The following RAD51B variants were observed in gnomAD, a reference collection of about 807,000 sequenced individuals.
The protein encoded by RAD51B is DNA repair protein RAD51 homolog 2.
Under a neutral mutation model 42.2 loss-of-function variants are expected in RAD51B, and 38 were observed. The ratio of observed to expected loss-of-function variants is 0.90; its 90% CI spans 0.70 to 1.18. The LOEUF (loss-of-function observed/expected upper bound fraction) is 1.18. RAD51B is among the 50% of genes most tolerant of loss of function. The pLI is 0.00. For missense variants in RAD51B, 373 were observed against 400.7 expected (o/e 0.93, Z 0.59); for synonymous variants, 154 against 145.2 (o/e 1.06, Z -0.43).
intron 10 of RAD51B, among the ~76,000 whole-genome samples, chr14:68,550,667 A>G (rs1888497636): frequency 6.6e-6 from 1 of 152,220 alleles, no homozygotes; most frequent in Non-Finnish European, 1.5e-5. Flanking sequence ...GGTATTTGCT[A>G]AGCACATCCT....
At chr14:68,381,641 A>C (rs1332091669) in intron 8 of RAD51B, among the ~76,000 whole-genome samples, 1 of 152,172 alleles carries the variant, frequency 6.6e-6, no homozygotes, top group Non-Finnish European at 1.5e-5. Context: ...GCGCCACTGC[A>C]CTCCAGCCTG....
At chr14:68,100,526 G>T (rs2077271074) in intron 7 of RAD51B, among the ~76,000 whole-genome samples, 1 of 152,044 alleles carries the variant, frequency 6.6e-6, no homozygotes, top group Non-Finnish European at 1.5e-5. Flanking sequence ...TTTCATTACG[G>T]CCTGGTCTAG....
chr14:68,205,613 T>C (rs911599101), intron 7 of RAD51B, among the ~76,000 whole-genome samples: 2 of 151,916 alleles, frequency 1.3e-5, no homozygotes, highest in Non-Finnish European at 2.9e-5. Flanking sequence ...TTTCTTTTCT[T>C]TTCTTTTTTT....
chr14:68,302,153 A>G (rs1366774935), intron 8 of RAD51B, among the ~76,000 whole-genome samples: 1 of 152,184 alleles, frequency 6.6e-6, no homozygotes, highest in East Asian at 1.9e-4. Context: ...GATACACTAT[A>G]ATGATATTTA....
intron 7 of RAD51B, among the ~76,000 whole-genome samples, chr14:67,890,114 T>C (rs2043174062): frequency 6.6e-6 from 1 of 152,196 alleles, no homozygotes; most frequent in South Asian, 2.1e-4. Context: ...ATAAAATAAA[T>C]TGTGGTTATG....
At chr14:68,597,515 A>G (rs796607396), downstream of RAD51B, among the ~76,000 whole-genome samples, 6 of 152,360 alleles carry the variant, frequency 3.9e-5, 1 homozygote, top group African/African-American at 1.4e-4. Context: ...GCTGGAGGCC[A>G]TTATCCTTAA....
At chr14:68,673,412 T>C (rs4902629) in intron 11 of RAD51B, among the ~76,000 whole-genome samples, 9 of 50,462 alleles carry the variant, frequency 1.8e-4, no homozygotes, top group African/African-American at 1.4e-3. Context: ...TACACACACA[T>C]ACTGTATGCA....
chr14:67,890,609 C>A, intron 7 of RAD51B, among the ~76,000 whole-genome samples: 1 of 112,954 alleles, frequency 8.9e-6, no homozygotes, highest in African/African-American at 3.3e-5. Context: ...TATCCCTCCC[C>A]CCTCCCCCCA....
At chr14:68,156,950 C>T (rs1290173110) in intron 7 of RAD51B, among the ~76,000 whole-genome samples, 1 of 152,120 alleles carries the variant, frequency 6.6e-6, no homozygotes, top group Non-Finnish European at 1.5e-5. Context: ...ATAATCCTAG[C>T]ATTTTGGGAG....
Position 68,502,372 on chromosome 14 carries a change from G to A in RAD51B, c.1036+34122G>A, listed in dbSNP as rs1293594299. Among the ~76,000 whole-genome samples the A allele has an allele frequency of 2.6e-5, 4 of 152,268 alleles. No homozygotes were observed. In the South Asian group the frequency reaches 6.2e-4, roughly 24 times the overall value. On this transcript the variant is annotated intron_variant, in intron 10 of 10. Transcript: ENST00000487270. ...AGCCTGCTGCAGAAGGGAGGGGGGC[G>A]CACAGCTGCAGTTCCGACTCCCCCC...
chr14:68,201,975 G>A (rs1269315565), intron 7 of RAD51B, among the ~76,000 whole-genome samples: 1 of 152,130 alleles, frequency 6.6e-6, no homozygotes. Flanking sequence ...ATTGGTTCCA[G>A]ACCACCACAA....
At chr14:67,857,255 G>A (rs2042025855) in intron 4 of RAD51B, among the ~76,000 whole-genome samples, 1 of 152,126 alleles carries the variant, frequency 6.6e-6, no homozygotes. Context: ...AGCAGGATCT[G>A]AGATTGTTAA....
chr14:68,214,968 A>C (rs2079784007), intron 7 of RAD51B, among the ~76,000 whole-genome samples: 1 of 152,216 alleles, frequency 6.6e-6, no homozygotes, highest in East Asian at 1.9e-4. Context: ...TGGAAAAAAG[A>C]ACTTGATATT....
At chr14:67,949,043 G>A (rs1394745587) in intron 7 of RAD51B, among the ~76,000 whole-genome samples, 2 of 148,296 alleles carry the variant, frequency 1.3e-5, no homozygotes, top group East Asian at 3.9e-4. Context: ...TAAGCTTTTT[G>A]CTGGTGGAGG....
At chr14:68,379,686 A>T (rs1306344213) in intron 8 of RAD51B, among the ~76,000 whole-genome samples, 1 of 152,274 alleles carries the variant, frequency 6.6e-6, no homozygotes, top group Non-Finnish European at 1.5e-5. Context: ...GTCAGGATAC[A>T]TCTGAATGGA....
chr14:68,541,466 C>A (rs554908407), intron 10 of RAD51B: 1 of 985,418 alleles, frequency 1.0e-6, no homozygotes, highest in South Asian at 4.7e-5. Context: ...GGGGGAATGG[C>A]CCCTCTGGCT....
At chr14:68,432,587 T>C (rs1325382763) in intron 9 of RAD51B, among the ~76,000 whole-genome samples, 1 of 152,238 alleles carries the variant, frequency 6.6e-6, no homozygotes. Flanking sequence ...TGCCTTTTTT[T>C]GTTTTCCATT....
At chr14:68,219,763 T>G (rs2079888194) in intron 7 of RAD51B, among the ~76,000 whole-genome samples, 2 of 152,152 alleles carry the variant, frequency 1.3e-5, no homozygotes, top group Non-Finnish European at 2.9e-5. Context: ...TCTGGTAATA[T>G]GACAAAATGA....
intron 4 of RAD51B, among the ~76,000 whole-genome samples, chr14:67,861,425 G>C (rs1193683433): frequency 1.3e-5 from 2 of 151,804 alleles, no homozygotes. Flanking sequence ...GATGGCTTGA[G>C]TCCTGGAGTT....
Sources: gnomAD v4.1 joint callset for allele counts (sites outside exome capture counted in the v4.1 genomes callset) on GRCh38, gnomAD v4.1.1 for gene constraint, MANE v1.5 for transcripts, NCBI Gene and HGNC (gene_info 2026-07-23, HGNC 2026-07-21) for gene names.